Variants in CCDC85C observed in about 807,000 individuals in gnomAD.
The protein encoded by CCDC85C is coiled-coil domain containing 85C.
In CCDC85C, 18 loss-of-function variants were observed where a neutral mutation model predicts 38.3. The ratio of observed to expected loss-of-function variants is 0.47; its 90% CI spans 0.33 to 0.70. The LOEUF (loss-of-function observed/expected upper bound fraction) is 0.70. Among genes scored for constraint, CCDC85C ranks in the 30% least tolerant of loss-of-function variants. The probability of loss-of-function intolerance (pLI) is 0.03; values close to 1 mark genes in which losing one functional copy is unlikely to be tolerated. For missense variants in CCDC85C, 566 were observed against 621.2 expected (o/e 0.91, Z 0.94); for synonymous variants, 264 against 293.8 (o/e 0.90, Z 1.04).
In CCDC85C at chr14:99,506,565, G is replaced by A. The variant is rs1486558966; in HGVS notation, c.*8681C>T. 1.3e-5 allele frequency: 2 copies of A among 157,490 alleles called. No homozygotes were observed. The highest frequency in any genetic ancestry group is 4.8e-5 in the African/African-American group (2 of 41,490). 9.8% of individuals were successfully genotyped at this position (157,490 alleles called of 1,614,324 possible). On this transcript the variant is annotated 3_prime_UTR_variant, in exon 6 of 6. Transcript: ENST00000380243. Reference sequence around the variant, plus strand: ...AACCTCCAGAGCTCTGCTGACTCCAGTTAATGTGCTGCTTCTGACATGCTG... The same window carrying A: ...AACCTCCAGAGCTCTGCTGACTCCAATTAATGTGCTGCTTCTGACATGCTG...
At chr14:99,577,917 AGTGT>A (rs368902066) in intron 1 of CCDC85C, among the ~76,000 whole-genome samples, 9,126 of 117,050 alleles carry the variant, frequency 0.078, 315 homozygotes, top group South Asian at 0.12. Context: ...ATCCCCCATC[AGTGT>A]GTGTGTGTGT....
Position 99,558,236 on chromosome 14 carries a change from C to A in CCDC85C, c.794-22148G>T, listed in dbSNP as rs1160104262. Among the ~76,000 whole-genome samples, 1 of 152,222 alleles carries A rather than the reference C, an allele frequency of 6.6e-6. No homozygotes were observed. The highest frequency in any genetic ancestry group is 1.5e-5 in the Non-Finnish European group (1 of 68,042). Reference sequence around the variant, plus strand: ...CAACAGCAGAAGAGTCACTCCACCTCCCTGCCACCTACCGTAGCAAGCCGA... The same window carrying A: ...CAACAGCAGAAGAGTCACTCCACCTACCTGCCACCTACCGTAGCAAGCCGA... On this transcript the variant is annotated intron_variant, in intron 1 of 5. Coordinates refer to ENST00000380243, the MANE Select transcript of CCDC85C (RefSeq NM_001144995.2). The surrounding 1 kb of genome is among the most constrained non-coding windows in gnomAD (Gnocchi z 4.2).
Position 99,502,062 on chromosome 14 carries a change from G to A in CCDC85C, c.*13184C>T, listed in dbSNP as rs999937860. On this transcript the variant is annotated 3_prime_UTR_variant, in exon 6 of 6. Transcript: ENST00000380243. ...AGTCGGGTACCTTTAGAAGAGTAAA[G>A]ACTTGAGTTTATTTATTTATAGTAC... 4 of 868,372 alleles carry A rather than the reference G, an allele frequency of 4.6e-6. No individual in the cohort carries two copies. The highest frequency in any genetic ancestry group is 6.5e-6 in the Non-Finnish European group (4 of 619,748). The allele number at this position is 868,372 out of a possible 1,614,324, so 53.8% of individuals were successfully genotyped here. A position where few individuals can be genotyped will look rare whatever the true frequency, so the allele number is the denominator to read the frequency against.
chr14:99,522,088 G>A, intron 3 of CCDC85C, 45 bp downstream of exon 3: 2 of 1,458,206 alleles, frequency 1.4e-6, no homozygotes, highest in East Asian at 4.9e-5. Flanking sequence ...CTGAGCCTCA[G>A]CCCCTCATCC....
intron 1 of CCDC85C, among the ~76,000 whole-genome samples, chr14:99,553,832 G>T (rs1021140351): frequency 6.6e-6 from 1 of 152,206 alleles, no homozygotes; most frequent in Non-Finnish European, 1.5e-5. Context: ...CGAGGCTGAG[G>T]GCAGGGTCCA....
intron 1 of CCDC85C, among the ~76,000 whole-genome samples, chr14:99,567,545 C>T (rs1026702139): frequency 2.6e-5 from 4 of 152,176 alleles, no homozygotes; most frequent in Non-Finnish European, 4.4e-5. Flanking sequence ...GGGCAGGAGG[C>T]CGGACACAGG....
At position 99,505,701 on chromosome 14, in the gene CCDC85C, TA is replaced by T. The variant is rs966523601; in HGVS notation, c.*9544del. The T allele has an allele frequency of 1.3e-5, 2 of 151,984 alleles. No individual in the cohort carries two copies. The highest frequency in any genetic ancestry group is 4.8e-5 in the African/African-American group (2 of 41,366). The allele number at this position is 151,984 out of a possible 1,614,324, so 9.4% of individuals were successfully genotyped here. The stretch of plus-strand genomic sequence containing the variant: ...GGTGACCCCATCACTACACAAAACT[TA>T]AAAATCAGCTCGGCGTGGTGGCGCC... On this transcript the variant is annotated 3_prime_UTR_variant, in exon 6 of 6. Transcript: ENST00000380243.
intron 5 of CCDC85C, among the ~76,000 whole-genome samples, 151 bp from the exon 6 acceptor site, chr14:99,515,486 C>T (rs1566758129): frequency 1.3e-5 from 2 of 152,216 alleles, no homozygotes; most frequent in African/African-American, 2.4e-5. Flanking sequence ...CCCAGAGACA[C>T]CCACACCAGG....
At chr14:99,590,174 G>T (rs547821284) in intron 1 of CCDC85C, among the ~76,000 whole-genome samples, 123 of 152,268 alleles carry the variant, frequency 8.1e-4, no homozygotes, top group Non-Finnish European at 1.3e-3. Context: ...CAGCAAAAGG[G>T]TGGGGAGCAT....
chr14:99,542,439 C>G lies in CCDC85C; in HGVS notation c.794-6351G>C, dbSNP rs11847883. Among the ~76,000 whole-genome samples, 1,233 of 152,304 alleles carry G rather than the reference C, an allele frequency of 8.1e-3. 18 individuals are homozygous for G. The highest frequency in any genetic ancestry group is 0.028 in the African/African-American group (1,165 of 41,572). ...ACCCGTCCATAACCATATTCATCTA[C>G]CGAACAGCAATCGTGTGGCTTACAC... On this transcript the variant is annotated intron_variant, in intron 1 of 5. Coordinates refer to ENST00000380243, the MANE Select transcript of CCDC85C (RefSeq NM_001144995.2).
chr14:99,577,357 G>C lies in CCDC85C; in HGVS notation c.793+25810C>G, dbSNP rs1040677252. The stretch of plus-strand genomic sequence containing the variant: ...TCAGAGAGGGCTGACGGCGTGTCCA[G>C]CAAGTGGGCGGCAGACGTGGAGTCA... On this transcript the variant is annotated intron_variant, in intron 1 of 5. Transcript: ENST00000380243. Among the ~76,000 whole-genome samples the C allele has an allele frequency of 6.1e-5, 9 of 148,202 alleles. No individual in the cohort carries two copies. In the East Asian group the frequency reaches 6.4e-4, roughly 10 times the overall value.
intron 1 of CCDC85C, among the ~76,000 whole-genome samples, chr14:99,589,485 T>TA (rs1416106598): frequency 6.6e-6 from 1 of 152,226 alleles, no homozygotes; most frequent in Non-Finnish European, 1.5e-5. Flanking sequence ...GATCTATTTT[T>TA]ATTTTTTAAA....
Position 99,504,994 on chromosome 14 carries a change from G to A in CCDC85C, c.*10252C>T, listed in dbSNP as rs528175686. On this transcript the variant is annotated 3_prime_UTR_variant, in exon 6 of 6. Transcript: ENST00000380243. ...AAGGAATTGAGAATCAGGGGAAATG[G>A]AGAGGAGTCTTTCTGGAATGTGATG... 1.3e-4 allele frequency: 20 copies of A among 152,400 alleles called. No individual in the cohort carries two copies. The highest frequency in any genetic ancestry group is 4.8e-4 in the African/African-American group (20 of 41,568). The allele number at this position is 152,400 out of a possible 1,614,324, so 9.4% of individuals were successfully genotyped here. A position where few individuals can be genotyped will look rare whatever the true frequency, so the allele number is the denominator to read the frequency against.
intron 1 of CCDC85C, among the ~76,000 whole-genome samples, chr14:99,578,132 G>A (rs1279561062): frequency 1.5e-5 from 2 of 136,512 alleles, no homozygotes; most frequent in African/African-American, 2.9e-5. Context: ...GTGTGTGTGT[G>A]TACACATCTC....
In CCDC85C at chr14:99,576,071, G is replaced by A. The variant is rs1411349327; in HGVS notation, c.793+27096C>T. Reference sequence around the variant, plus strand: ...CTCCAAACCTCACCGATCTGTGCCCGTCTAATGAGGGTGGCTCACACTAAT... The same window carrying A: ...CTCCAAACCTCACCGATCTGTGCCCATCTAATGAGGGTGGCTCACACTAAT... On this transcript the variant is annotated intron_variant, in intron 1 of 5. Transcript: ENST00000380243. This position sits in a 1 kb window ranked among gnomAD's most constrained non-coding sequence, Gnocchi z 4.8. Among the ~76,000 whole-genome samples the A allele has an allele frequency of 2.6e-5, 4 of 152,168 alleles. No individual in the cohort carries two copies. The highest frequency in any genetic ancestry group is 5.9e-5 in the Non-Finnish European group (4 of 68,028).
chr14:99,510,425 C>G lies in CCDC85C; in HGVS notation c.*4821G>C, dbSNP rs1234753515. ...AGGGACCCTCCTACGGTGCCCTGCC[C>G]CCCGCCTACGGCCCACCTGCACACC... On this transcript the variant is annotated 3_prime_UTR_variant, in exon 6 of 6. Coordinates refer to ENST00000380243, the MANE Select transcript of CCDC85C (RefSeq NM_001144995.2). 3 of 1,548,184 alleles carry G rather than the reference C, an allele frequency of 1.9e-6. No individual in the cohort carries two copies. Among genetic ancestry groups the G allele is most frequent in the Admixed American group, 2.0e-5 (1 of 50,852 alleles).
chr14:99,543,521 C>G (rs1424805676), intron 1 of CCDC85C, among the ~76,000 whole-genome samples: 2 of 152,146 alleles, frequency 1.3e-5, no homozygotes, highest in African/African-American at 4.8e-5. Context: ...ACAGGGTGTG[C>G]TGACCAGGAG....
rs184375809 is a variant in CCDC85C, at chr14:99,598,791, T to C, written c.793+4376A>G. Among the ~76,000 whole-genome samples, 186 of 152,262 alleles carry C rather than the reference T, an allele frequency of 1.2e-3. 3 individuals are homozygous for C. In the Middle Eastern group the frequency reaches 0.017, roughly 14 times the overall value. On this transcript the variant is annotated intron_variant, in intron 1 of 5. Transcript: ENST00000380243. ...AGCCCTGATTTCCCCATCTAAGATA[T>C]GGAGATGCTAAGGTCTCCCTCCTGG...
intron 2 of CCDC85C, among the ~76,000 whole-genome samples, chr14:99,529,018 G>C (rs1897443664): frequency 6.6e-6 from 1 of 151,566 alleles, no homozygotes; most frequent in Admixed American, 6.6e-5. Context: ...GGAAAAAAAA[G>C]GAAAATAAAA....
Sources: allele counts gnomAD v4.1 joint callset (sites outside exome capture counted in the v4.1 genomes callset), GRCh38; gene constraint gnomAD v4.1.1; non-coding constraint Gnocchi (gnomAD v3.1); transcripts MANE v1.5; gene names NCBI Gene and HGNC (gene_info 2026-07-23, HGNC 2026-07-21).